The following GRM8 variants were observed in gnomAD, a reference collection of about 807,000 sequenced individuals.
GRM8 encodes glutamate metabotropic receptor 8.
GRM8 carries 47 observed loss-of-function variants against 87.2 expected under a neutral mutation model. The observed-to-expected ratio is 0.54, with a 90% CI of 0.43 to 0.69. GRM8 has a LOEUF of 0.69. Ranked by LOEUF, GRM8 falls within the 30% of genes least tolerant of loss-of-function variation. The pLI, the probability that GRM8 is intolerant of heterozygous loss-of-function variation, is 0.00. For synonymous variants in GRM8, 396 were observed against 404.5 expected, an observed-to-expected ratio of 0.98 and a Z score of 0.25; for missense variants, 1,019 against 1,139.2, an observed-to-expected ratio of 0.89 and a Z score of 1.52.
At chr7:126,798,920 T>C (rs1306555066) in intron 6 of GRM8, among the ~76,000 whole-genome samples, 1 of 152,102 alleles carries the variant, frequency 6.6e-6, no homozygotes, top group Non-Finnish European at 1.5e-5. Flanking sequence ...ACAACAGTGA[T>C]AATAACTTGG....
intron 2 of GRM8, among the ~76,000 whole-genome samples, chr7:127,158,935 C>T (rs955897993): frequency 1.3e-5 from 2 of 152,164 alleles, no homozygotes; most frequent in Non-Finnish European, 2.9e-5. Flanking sequence ...AGGGCCCTAA[C>T]TTAAGTTGGA....
intron 9 of GRM8, among the ~76,000 whole-genome samples, chr7:126,476,810 A>T: frequency 6.6e-6 from 1 of 152,032 alleles, no homozygotes; most frequent in East Asian, 1.9e-4. Flanking sequence ...GTAAATTGTT[A>T]TAGCCATTAT....
At chr7:127,232,233 G>GAC (rs1554616431) in intron 2 of GRM8, among the ~76,000 whole-genome samples, 18 of 150,762 alleles carry the variant, frequency 1.2e-4, no homozygotes, top group South Asian at 4.2e-4. Flanking sequence ...GAGAGAGAGA[G>GAC]AGAGAGACAG....
At chr7:126,867,546 CAGTA>C (rs1798707962) in intron 6 of GRM8, among the ~76,000 whole-genome samples, 1 of 152,022 alleles carries the variant, frequency 6.6e-6, no homozygotes, top group African/African-American at 2.4e-5. Context: ...TGGTAAATCC[CAGTA>C]AGTAATTCTT....
chr7:126,876,770 G>A (rs929813795), intron 6 of GRM8, among the ~76,000 whole-genome samples: 49 of 152,076 alleles, frequency 3.2e-4, no homozygotes, highest in African/African-American at 1.1e-3. Context: ...GTACTTATTC[G>A]TAGAATTGCT....
At chr7:126,569,644 C>A (rs1383041904) in intron 8 of GRM8, among the ~76,000 whole-genome samples, 1 of 152,094 alleles carries the variant, frequency 6.6e-6, no homozygotes, top group Non-Finnish European at 1.5e-5. Flanking sequence ...TTTGCTGTGA[C>A]AATAGAAGGG....
chr7:126,985,882 G>A (rs1812006085), intron 3 of GRM8, among the ~76,000 whole-genome samples: 2 of 152,236 alleles, frequency 1.3e-5, no homozygotes, highest in African/African-American at 4.8e-5. Context: ...CATAAGTTTT[G>A]GAGGGGACAT....
At chr7:126,748,602 GTTTTT>G (rs35336284) in intron 7 of GRM8, among the ~76,000 whole-genome samples, 1 of 118,778 alleles carries the variant, frequency 8.4e-6, no homozygotes, top group Admixed American at 8.8e-5. Flanking sequence ...AGCAGGTCGG[GTTTTT>G]TTTTTTTTTT....
chr7:127,078,391 T>C (rs912746537), intron 3 of GRM8, among the ~76,000 whole-genome samples: 5 of 152,218 alleles, frequency 3.3e-5, no homozygotes, highest in Admixed American at 2.0e-4. Context: ...TGGCATAGAA[T>C]TGGTGTTTAA....
intron 3 of GRM8, among the ~76,000 whole-genome samples, chr7:127,094,527 G>A (rs1824456134): frequency 6.6e-6 from 1 of 152,216 alleles, no homozygotes; most frequent in Non-Finnish European, 1.5e-5. Context: ...TTGAAGTGAT[G>A]CTTCTACTTG....
chr7:127,210,837 A>G (rs1359048014), intron 2 of GRM8, among the ~76,000 whole-genome samples: 1 of 152,196 alleles, frequency 6.6e-6, no homozygotes, highest in Non-Finnish European at 1.5e-5. Flanking sequence ...TTATAAGAAG[A>G]TCAATTTAGT....
At chr7:127,148,367 T>G (rs759643496) in intron 2 of GRM8, among the ~76,000 whole-genome samples, 3 of 151,422 alleles carry the variant, frequency 2.0e-5, no homozygotes, top group Admixed American at 6.6e-5. Flanking sequence ...AGCAATACAA[T>G]GATCATAGGG....
rs538051579 is a variant in GRM8 at position 127,183,373 on chromosome 7, T to TATAGATCAAA, written c.510+59312_510+59321dup. On this transcript the variant is annotated intron_variant, in intron 2 of 10. Coordinates refer to ENST00000339582, the MANE Select transcript of GRM8 (RefSeq NM_000845.3). ...TTTTCAGATCACAACAGAACTAAAC[T>TATAGATCAAA]ATAGATCAAAATCAGAAAGACAACT... 3.1e-4 allele frequency among the ~76,000 whole-genome samples: 47 copies of TATAGATCAAA among 151,706 alleles called. 1 individual carries two copies. The East Asian group carries it at 8.5e-3, about 28-fold the overall frequency.
intron 1 of GRM8, among the ~76,000 whole-genome samples, chr7:127,249,203 C>T (rs1338028761): frequency 6.6e-6 from 1 of 152,158 alleles, no homozygotes; most frequent in Non-Finnish European, 1.5e-5. Flanking sequence ...CCTAGATATT[C>T]CTACTTCTGT....
chr7:126,553,713 A>G (rs1271039706), intron 8 of GRM8, among the ~76,000 whole-genome samples: 1 of 152,176 alleles, frequency 6.6e-6, no homozygotes. Context: ...CTAACCTAAT[A>G]CCCAATTGTA....
intron 2 of GRM8, among the ~76,000 whole-genome samples, chr7:127,236,741 T>A (rs1236105728): frequency 6.6e-6 from 1 of 152,192 alleles, no homozygotes; most frequent in Non-Finnish European, 1.5e-5. Context: ...AAATTATACT[T>A]CTTTCCTATC....
chr7:126,453,660 T>C (rs1382587990), intron 9 of GRM8, among the ~76,000 whole-genome samples: 1 of 151,826 alleles, frequency 6.6e-6, no homozygotes, highest in Non-Finnish European at 1.5e-5. Context: ...ATGACTATAA[T>C]TAAACATAAG....
At chr7:126,775,189 C>T (rs891555710) in intron 6 of GRM8, among the ~76,000 whole-genome samples, 2 of 145,452 alleles carry the variant, frequency 1.4e-5, no homozygotes, top group African/African-American at 2.4e-5. Flanking sequence ...AAGTCAGTTT[C>T]TTGGAGTTGC....
intron 7 of GRM8, among the ~76,000 whole-genome samples, chr7:126,715,387 C>CA (rs746049107): frequency 6.6e-6 from 1 of 152,182 alleles, no homozygotes; most frequent in Non-Finnish European, 1.5e-5. Flanking sequence ...TTTAATGCTG[C>CA]ACCCTTAAGT....
Sources: gnomAD v4.1 joint callset for allele counts (sites outside exome capture counted in the v4.1 genomes callset) on GRCh38, gnomAD v4.1.1 for gene constraint, MANE v1.5 for transcripts, NCBI Gene and HGNC (gene_info 2026-07-23, HGNC 2026-07-21) for gene names.